POU6F2: variants seen among roughly 807,000 people sequenced by gnomAD.
POU6F2 encodes POU class 6 homeobox 2.
Under a neutral mutation model 71.3 loss-of-function variants are expected in POU6F2, and 31 were observed. That is an observed-to-expected ratio of 0.43 (90% CI 0.33 to 0.59). POU6F2 has a LOEUF of 0.59. Among genes scored for constraint, POU6F2 ranks in the 20% least tolerant of loss-of-function variants. The pLI is 0.04. For missense variants in POU6F2, 783 were observed against 856.8 expected, an observed-to-expected ratio of 0.91 and a Z score of 1.07; for synonymous variants, 347 against 355.7, an observed-to-expected ratio of 0.98 and a Z score of 0.27.
chr7:39,384,933 A>C (rs1287568610), intron 5 of POU6F2, among the ~76,000 whole-genome samples: 7 of 152,230 alleles, frequency 4.6e-5, no homozygotes, highest in South Asian at 2.1e-4. Context: ...TAGAGGGATA[A>C]ATTTTGATCA....
At chr7:39,414,373 C>T (rs1787623731) in intron 6 of POU6F2, among the ~76,000 whole-genome samples, 1 of 152,150 alleles carries the variant, frequency 6.6e-6, no homozygotes, top group Admixed American at 6.5e-5. Flanking sequence ...ATATGCAAAC[C>T]GAGGGCAAAT....
intron 4 of POU6F2, among the ~76,000 whole-genome samples, chr7:39,237,267 A>T (rs568206305): frequency 2.0e-5 from 3 of 152,314 alleles, no homozygotes; most frequent in African/African-American, 7.2e-5. Context: ...CTGCTCCAGG[A>T]TGCTGGGCCT....
intron 2 of POU6F2, among the ~76,000 whole-genome samples, chr7:39,110,244 C>G (rs1234296044): frequency 7.5e-6 from 1 of 133,608 alleles, no homozygotes; most frequent in Admixed American, 8.4e-5. Context: ...GCACTCCAGG[C>G]TGGGACAGAG....
chr7:39,420,600 T>A (rs1207752558), intron 6 of POU6F2, among the ~76,000 whole-genome samples: 1 of 152,192 alleles, frequency 6.6e-6, no homozygotes, highest in East Asian at 1.9e-4. Context: ...CTACAAACAT[T>A]GCTTAAAATG....
intron 6 of POU6F2, among the ~76,000 whole-genome samples, chr7:39,407,856 C>T (rs1233461161): frequency 6.6e-6 from 1 of 152,114 alleles, no homozygotes; most frequent in East Asian, 1.9e-4. Context: ...CCGTCAGAAC[C>T]CCGAGGGCTG....
In POU6F2 at chr7:39,464,806, A is replaced by G; in HGVS notation, c.*120A>G. 8.3e-7 allele frequency: 1 copy of G among 1,208,638 alleles called. No homozygotes were observed. Among genetic ancestry groups the G allele is most frequent in the African/African-American group, 1.5e-5 (1 of 65,254 alleles). The allele number at this position is 1,208,638 out of a possible 1,614,324, so 74.9% of individuals were successfully genotyped here. ...TTTAAAAATAGCCCCAGTCGTCATC[A>G]CCCTTGTAAGTAAATGACTAAGAAA... On this transcript the variant is annotated 3_prime_UTR_variant, in exon 10 of 10. Coordinates refer to ENST00000518318, the MANE Select transcript of POU6F2 (RefSeq NM_001370959.1). The surrounding 1 kb of genome is among the most constrained non-coding windows in gnomAD (Gnocchi z 4.1).
chr7:39,086,354 A>C (rs1791245738), intron 2 of POU6F2, among the ~76,000 whole-genome samples: 1 of 152,222 alleles, frequency 6.6e-6, no homozygotes, highest in African/African-American at 2.4e-5. Flanking sequence ...AGAATTGGTT[A>C]ACATTTATTG....
chr7:39,418,977 A>ATATATATGTGTATATATGTG (rs1246685680), intron 6 of POU6F2, among the ~76,000 whole-genome samples: 1 of 139,582 alleles, frequency 7.2e-6, no homozygotes, highest in Admixed American at 7.1e-5. Context: ...GTATATATGT[A>ATATATATGTGTATATATGTG]TATATATGTG....
At chr7:39,247,629 C>T (rs1057376887) in intron 4 of POU6F2, among the ~76,000 whole-genome samples, 2 of 152,170 alleles carry the variant, frequency 1.3e-5, no homozygotes, top group Non-Finnish European at 2.9e-5. Context: ...GCTCTTTCTG[C>T]TGTAACGTAG....
intron 1 of POU6F2, among the ~76,000 whole-genome samples, chr7:39,044,640 T>C (rs1479414188): frequency 6.6e-6 from 1 of 151,992 alleles, no homozygotes; most frequent in Non-Finnish European, 1.5e-5. Flanking sequence ...GGGATTAAAT[T>C]AGAAATCCAT....
At chr7:39,444,167 C>A (rs1317814582) in intron 7 of POU6F2, among the ~76,000 whole-genome samples, 1 of 150,908 alleles carries the variant, frequency 6.6e-6, no homozygotes, top group Non-Finnish European at 1.5e-5. Context: ...GCAAAGTTAT[C>A]ATCTGAAATG....
At chr7:39,348,970 G>T (rs1786083239) in intron 5 of POU6F2, among the ~76,000 whole-genome samples, 2 of 152,176 alleles carry the variant, frequency 1.3e-5, no homozygotes, top group African/African-American at 2.4e-5. Flanking sequence ...TTCACATAAT[G>T]CTAATTAATA....
Position 39,464,419 on chromosome 7 carries a change from A to T in POU6F2, c.1896A>T (p.Glu632Asp). The part of the protein sequence containing the change: ...MQNLTEFIGS[E>D]PSKKRKRRTS... ...ACCTGACCGAGTTTATCGGGAGTGA[A>T]CCATCCAAAAAGCGCAAGCGGCGCA... The change falls in exon 10 of 10, where the codon GAA becomes GAT. Residue 632 changes from glutamate (E) to aspartate (D), a missense_variant. Coordinates refer to ENST00000518318, the MANE Select transcript of POU6F2 (RefSeq NM_001370959.1). This position sits in a 1 kb window ranked among gnomAD's most constrained non-coding sequence, Gnocchi z 4.1. The T allele has an allele frequency of 2.5e-6, 4 of 1,613,996 alleles. No individual in the cohort carries two copies. The highest frequency in any genetic ancestry group is 3.4e-6 in the Non-Finnish European group (4 of 1,179,888).
At chr7:39,296,463 T>G (rs1239556164) in intron 4 of POU6F2, among the ~76,000 whole-genome samples, 1 of 152,242 alleles carries the variant, frequency 6.6e-6, no homozygotes, top group African/African-American at 2.4e-5. Flanking sequence ...CAATCTGTTT[T>G]CCACGCTGCA....
chr7:39,034,667 A>G (rs1790019596), intron 1 of POU6F2, among the ~76,000 whole-genome samples: 1 of 152,164 alleles, frequency 6.6e-6, no homozygotes, highest in Admixed American at 6.5e-5. Context: ...GCTGGGTGTG[A>G]ATCTTGAGCT....
At chr7:39,235,278 A>G (rs537285087) in intron 4 of POU6F2, among the ~76,000 whole-genome samples, 24 of 152,348 alleles carry the variant, frequency 1.6e-4, no homozygotes, top group African/African-American at 5.5e-4. Context: ...AGGCAGCATA[A>G]TAGATGTATC....
chr7:39,201,062 A>C (rs891400981), intron 2 of POU6F2, among the ~76,000 whole-genome samples: 1 of 152,156 alleles, frequency 6.6e-6, no homozygotes, highest in Admixed American at 6.5e-5. Flanking sequence ...ATTTTCATTA[A>C]ATAATAATAA....
chr7:39,081,825 A>G (rs1367987149), intron 1 of POU6F2, among the ~76,000 whole-genome samples: 1 of 152,250 alleles, frequency 6.6e-6, no homozygotes, highest in Non-Finnish European at 1.5e-5. Context: ...GGGATACCCC[A>G]TGAATTACTA....
intron 4 of POU6F2, among the ~76,000 whole-genome samples, chr7:39,296,847 T>A (rs1784855160): frequency 6.6e-6 from 1 of 152,236 alleles, no homozygotes; most frequent in Admixed American, 6.5e-5. Flanking sequence ...CTGGCCCATG[T>A]CTCTCATTGA....
Sources: gnomAD v4.1 joint callset for allele counts (sites outside exome capture counted in the v4.1 genomes callset) on GRCh38, gnomAD v4.1.1 for gene constraint, Gnocchi (gnomAD v3.1) non-coding constraint, MANE v1.5 for transcripts, NCBI Gene and HGNC (gene_info 2026-07-23, HGNC 2026-07-21) for gene names.